LIG3: variants seen among roughly 807,000 people sequenced by gnomAD.
LIG3 encodes the protein ligase II, DNA, ATP-dependent.
Under a neutral mutation model 110.9 loss-of-function variants are expected in LIG3, and 58 were observed. The ratio of observed to expected loss-of-function variants is 0.52; its 90% CI spans 0.42 to 0.65. LIG3 has a LOEUF of 0.65. Ranked by LOEUF, LIG3 falls within the 30% of genes least tolerant of loss-of-function variation. LIG3 has a pLI of 0.00. For synonymous variants in LIG3, 422 were observed against 472.8 expected, an observed-to-expected ratio of 0.89 and a Z score of 1.39; for missense variants, 1,094 against 1,273.8, an observed-to-expected ratio of 0.86 and a Z score of 2.15.
chr17:34,990,726 T>A (rs1043202489), intron 4 of LIG3, among the ~76,000 whole-genome samples: 1 of 152,196 alleles, frequency 6.6e-6, no homozygotes, highest in African/African-American at 2.4e-5. Context: ...CTCCTGCAAG[T>A]AGCTGGAACC....
Position 34,991,662 on chromosome 17 carries a change from T to TGGAGACAGGGTGACGTGTC in LIG3, c.1042-8_1052dup. On this transcript the variant is annotated splice_polypyrimidine_tract_variant and intron_variant, in intron 5 of 19. Transcript: ENST00000378526. ...GTTGCAGCAGTGGCATTTTGGTTTT[T>TGGAGACAGGGTGACGTGTC]GGAGACAGGGTGACGTGTCAGAGAC... is the stretch of plus-strand genomic sequence containing the variant. 1 of 1,613,296 alleles carries TGGAGACAGGGTGACGTGTC rather than the reference T, an allele frequency of 6.2e-7. No homozygotes were observed.
chr17:34,983,631 C>CT (rs1248589204), intron 2 of LIG3, 79 bp downstream of exon 2: 63 of 1,356,350 alleles, frequency 4.6e-5, no homozygotes, highest in Non-Finnish European at 5.7e-5. Flanking sequence ...CTTTCTTTCT[C>CT]TTTTTTTTAA....
At chr17:34,999,488 G>A (rs1320850319) in intron 15 of LIG3, 39 bp downstream of exon 15, 3 of 1,598,642 alleles carry the variant, frequency 1.9e-6, no homozygotes, top group Non-Finnish European at 2.6e-6. Flanking sequence ...CTCTGGACTG[G>A]CCGCCATCAC....
rs1295932202 is a variant in LIG3, at chr17:35,004,363, G to A, written c.2887G>A (p.Asp963Asn). The change falls in exon 20 of 20, where the codon GAC becomes AAC. Residue 963 changes from aspartate (D) to asparagine (N), a missense_variant. Coordinates refer to ENST00000378526, the MANE Select transcript of LIG3 (RefSeq NM_013975.4). Reference protein sequence around the residue: ...SRLRRYFVAFDGDLVQEFDMT... With the variant: ...SRLRRYFVAFNGDLVQEFDMT... ...TCTCAGACGCTACTTTGTGGCATTCGACGGGGACCTGGTACAGGAATTTGA... is the reference window on the plus strand; with the variant it reads ...TCTCAGACGCTACTTTGTGGCATTCAACGGGGACCTGGTACAGGAATTTGA... 1.1e-5 allele frequency: 18 copies of A among 1,614,066 alleles called. 1 individual carries two copies. The highest frequency in any genetic ancestry group is 4.5e-5 in the East Asian group (2 of 44,892).
At chr17:34,991,271 T>A in intron 5 of LIG3, 157 bp downstream of exon 5, 1 of 675,036 alleles carries the variant, frequency 1.5e-6, no homozygotes, top group Non-Finnish European at 2.5e-6. Context: ...GAGCTGAATG[T>A]GAGGCTATAG....
chr17:34,998,858 C>T, intron 14 of LIG3, 131 bp downstream of exon 14: 2 of 1,190,306 alleles, frequency 1.7e-6, no homozygotes, highest in South Asian at 1.6e-5. Context: ...GGATCTAGGG[C>T]CCCAAGCTGG....
intron 9 of LIG3, among the ~76,000 whole-genome samples, chr17:34,995,355 TG>T (rs1172001695): frequency 6.6e-6 from 1 of 152,220 alleles, no homozygotes; most frequent in Non-Finnish European, 1.5e-5. Context: ...GAGCTGTTTC[TG>T]GTGAGGTTGG....
chr17:34,998,132 T>C, intron 12 of LIG3, 87 bp from the exon 13 acceptor site: 2 of 966,166 alleles, frequency 2.1e-6, no homozygotes, highest in Non-Finnish European at 3.2e-6. Flanking sequence ...AGTGGACACT[T>C]AACTAGTGTG....
At position 34,999,988 on chromosome 17, in the gene LIG3, T is replaced by C. The variant is rs115495211; in HGVS notation, c.2331+132T>C. On this transcript the variant is annotated intron_variant, in intron 16 of 19. Transcript: ENST00000378526. ...GGGGTCTGGATTTCCAGCTGAGTGATAGGCACAGGGACAACCAGACAACTC... is the reference window on the plus strand; with the variant it reads ...GGGGTCTGGATTTCCAGCTGAGTGACAGGCACAGGGACAACCAGACAACTC... 1,013 of 668,478 alleles carry C rather than the reference T, an allele frequency of 1.5e-3. 11 individuals are homozygous for C. The African/African-American group carries it at 0.016, about 11-fold the overall frequency. 41.4% of individuals were successfully genotyped at this position (668,478 alleles called of 1,614,324 possible).
At chr17:34,989,351 AT>A in intron 3 of LIG3, 114 bp from the exon 4 acceptor site, 1 of 921,442 alleles carries the variant, frequency 1.1e-6, no homozygotes, top group Non-Finnish European at 1.7e-6. Flanking sequence ...CCAAAAGTCT[AT>A]TCGGGGAGAT....
rs542768230 is a variant in LIG3, at chr17:34,983,557, G to A, written c.547+5G>A. 1 of 1,607,840 alleles carries A rather than the reference G, an allele frequency of 6.2e-7. No homozygotes were observed. The highest frequency in any genetic ancestry group is 1.1e-5 in the South Asian group (1 of 90,324). ...AGATAACCCAGCACATTGCAGGTAA[G>A]GTAGAGAACACTGCTTTCTCATCTT... On this transcript the variant is annotated splice_donor_5th_base_variant and intron_variant, in intron 2 of 19. Coordinates refer to ENST00000378526, the MANE Select transcript of LIG3 (RefSeq NM_013975.4).
Position 34,997,813 on chromosome 17 carries a change from G to A in LIG3, c.1899G>A (p.Met633Ile). 5.6e-6 allele frequency: 9 copies of A among 1,613,934 alleles called. No homozygotes were observed. The highest frequency in any genetic ancestry group is 7.6e-6 in the Non-Finnish European group (9 of 1,179,790). Residue 633 changes from methionine to isoleucine, a missense_variant, in exon 12 of 20, where the codon ATG (methionine) becomes ATA (isoleucine). Physicochemically the swap from Met to Ile is conservative, Grantham distance 10. Transcript: ENST00000378526. ...CAAACCGGATCATGTTCTCAGAAATGAAGCGAGTCACAGTAAGTGAAGACC... is the reference window on the plus strand; with the variant it reads ...CAAACCGGATCATGTTCTCAGAAATAAAGCGAGTCACAGTAAGTGAAGACC... ...EIPNRIMFSEMKRVTKALDLA... is the reference protein window; with the variant it reads ...EIPNRIMFSEIKRVTKALDLA...
rs756636957 is a variant in LIG3, at chr17:34,994,416, C to T, written c.1596C>T (p.Pro532=). ...GCTACTTCAGCCGCAGTCTCAAGCC[C>T]GTCCTTCCTCACAAGGTATGAGTGC... The part of the protein sequence containing the change: ...HFSYFSRSLK[P]VLPHKVAHFK... Residue 532 remains proline (P), a synonymous_variant, in exon 9 of 20, where the codon CCC becomes CCT. Coordinates refer to ENST00000378526, the MANE Select transcript of LIG3 (RefSeq NM_013975.4). 9.3e-6 allele frequency: 15 copies of T among 1,613,744 alleles called. No homozygotes were observed. Among genetic ancestry groups the T allele is most frequent in the South Asian group, 2.2e-5 (2 of 91,046 alleles).
Position 34,999,777 on chromosome 17 carries a change from T to C in LIG3, c.2257-5T>C, listed in dbSNP as rs2090820199. 1 of 1,613,564 alleles carries C rather than the reference T, an allele frequency of 6.2e-7. No individual in the cohort carries two copies. Among genetic ancestry groups the C allele is most frequent in the East Asian group, 2.2e-5 (1 of 44,890 alleles). On this transcript the variant is annotated splice_polypyrimidine_tract_variant and splice_region_variant and intron_variant, in intron 15 of 19. Transcript: ENST00000378526. ...CAGCCCAAAGTAGCATCTTTTCTCC[T>C]CTAGGACCCCAGCAAAATACCCAGC...
intron 2 of LIG3, among the ~76,000 whole-genome samples, chr17:34,985,434 T>G (rs2142236575): frequency 6.6e-6 from 1 of 152,336 alleles, no homozygotes. Context: ...CATCCCACCT[T>G]GCACTGCCTT....
intron 9 of LIG3, among the ~76,000 whole-genome samples, chr17:34,995,247 A>T (rs2090766107): frequency 6.6e-6 from 1 of 152,114 alleles, no homozygotes; most frequent in Non-Finnish European, 1.5e-5. Flanking sequence ...CAGTCAGGCC[A>T]TTTGTTTCAT....
chr17:34,985,610 TTG>T (rs1401211758), intron 2 of LIG3, among the ~76,000 whole-genome samples: 4 of 152,242 alleles, frequency 2.6e-5, no homozygotes, highest in Admixed American at 6.5e-5. Context: ...CATCTCTAAA[TTG>T]AAGCTAATTC....
chr17:35,003,208 G>C (rs1343728767), intron 19 of LIG3: 1 of 1,477,018 alleles, frequency 6.8e-7, no homozygotes, highest in Non-Finnish European at 9.1e-7. Flanking sequence ...GAGTCGGGGA[G>C]AGGGCACTGG....
intron 10 of LIG3, 100 bp downstream of exon 10, chr17:34,996,295 G>T: frequency 7.5e-7 from 1 of 1,335,194 alleles, no homozygotes; most frequent in South Asian, 1.4e-5. Flanking sequence ...ATATCCCTTA[G>T]TGTGGCCCTT....
Sources: gnomAD v4.1 joint callset for allele counts (sites outside exome capture counted in the v4.1 genomes callset) on GRCh38, gnomAD v4.1.1 for gene constraint, MANE v1.5 for transcripts, NCBI Gene and HGNC (gene_info 2026-07-23, HGNC 2026-07-21) for gene names.